HDGFL3: variants seen among roughly 807,000 people sequenced by gnomAD.
HDGFL3 encodes HDGF like 3, also known as hepatoma-derived growth factor-related protein 3.
HDGFL3 carries 6 observed loss-of-function variants against 27.6 expected under a neutral mutation model. The observed-to-expected ratio is 0.22, with a 90% CI of 0.12 to 0.43. The LOEUF (loss-of-function observed/expected upper bound fraction) is 0.43. Ranked by LOEUF, HDGFL3 falls within the 20% of genes least tolerant of loss-of-function variation. The pLI is 1.00. For synonymous variants in HDGFL3, 88 were observed against 88.9 expected, an observed-to-expected ratio of 0.99 and a Z score of 0.05; for missense variants, 207 against 250.1, an observed-to-expected ratio of 0.83 and a Z score of 1.16.
At chr15:83,140,966 A>G (rs1363270930) in intron 5 of HDGFL3, among the ~76,000 whole-genome samples, 1 of 152,200 alleles carries the variant, frequency 6.6e-6, no homozygotes, top group Non-Finnish European at 1.5e-5. Flanking sequence ...GGGAGCACCA[A>G]GAATGTGACT....
chr15:83,169,198 T>C (rs750582651), intron 1 of HDGFL3: 39 of 441,864 alleles, frequency 8.8e-5, no homozygotes, highest in African/African-American at 6.1e-5. Context: ...CCCTCGAGAA[T>C]TGAAACAAGA....
At chr15:83,175,892 A>C (rs1414954335) in intron 1 of HDGFL3, among the ~76,000 whole-genome samples, 2 of 152,152 alleles carry the variant, frequency 1.3e-5, no homozygotes, top group African/African-American at 2.4e-5. Context: ...CACACATTAA[A>C]ACATTCATGG....
intron 1 of HDGFL3, among the ~76,000 whole-genome samples, chr15:83,174,950 G>A (rs1408365509): frequency 1.3e-5 from 2 of 152,130 alleles, no homozygotes; most frequent in Non-Finnish European, 2.9e-5. Flanking sequence ...TTAAACATTT[G>A]AATTAGTTAC....
rs962291656 is a variant in HDGFL3 at position 83,129,168 on chromosome 15, T to A, written c.*10102A>T. ...TTTACTCCAGTGATTCTCCAACCCATTTTTTTTTTCCAGCTCCGCTGCCCC... is the reference window on the plus strand; with the variant it reads ...TTTACTCCAGTGATTCTCCAACCCAATTTTTTTTTCCAGCTCCGCTGCCCC... On this transcript the variant is annotated 3_prime_UTR_variant, in exon 6 of 6. Coordinates refer to ENST00000299633, the MANE Select transcript of HDGFL3 (RefSeq NM_016073.4). The A allele has an allele frequency of 6.7e-5, 10 of 149,522 alleles. No individual in the cohort carries two copies. The highest frequency in any genetic ancestry group is 2.5e-4 in the African/African-American group (10 of 40,644). 9.3% of individuals were successfully genotyped at this position (149,522 alleles called of 1,614,324 possible).
downstream of HDGFL3, among the ~76,000 whole-genome samples, chr15:83,125,534 G>A (rs576940569): frequency 1.3e-5 from 2 of 152,218 alleles, no homozygotes; most frequent in East Asian, 1.9e-4. Context: ...TCAAACACTT[G>A]GTAGAGGCTC....
At chr15:83,175,224 T>C (rs1326502586) in intron 1 of HDGFL3, among the ~76,000 whole-genome samples, 2 of 152,212 alleles carry the variant, frequency 1.3e-5, no homozygotes, top group South Asian at 2.1e-4. Context: ...TTTGAGTTTG[T>C]ACCCCCTGGA....
At chr15:83,122,459 C>A (rs553902066) in intron 3 of HDGFL3, among the ~76,000 whole-genome samples, 1 of 152,094 alleles carries the variant, frequency 6.6e-6, no homozygotes, top group Admixed American at 6.5e-5. Context: ...ATATAGATAC[C>A]TATCTAGATG....
rs1199332530 is a variant in HDGFL3 at position 83,127,760 on chromosome 15, T to C, written c.*11510A>G. Reference sequence around the variant, plus strand: ...AAGGTTACACACCCAGCATGTGGCATTGTTGTTTTATTGGACTGTTTCACA... The same window carrying C: ...AAGGTTACACACCCAGCATGTGGCACTGTTGTTTTATTGGACTGTTTCACA... On this transcript the variant is annotated 3_prime_UTR_variant, in exon 6 of 6. Coordinates refer to ENST00000299633, the MANE Select transcript of HDGFL3 (RefSeq NM_016073.4). 1.2e-5 allele frequency: 4 copies of C among 335,476 alleles called. No individual in the cohort carries two copies. The highest frequency in any genetic ancestry group is 5.7e-5 in the South Asian group (2 of 34,860). The allele number at this position is 335,476 out of a possible 1,614,324, so 20.8% of individuals were successfully genotyped here. A position where few individuals can be genotyped will look rare whatever the true frequency, so the allele number is the denominator to read the frequency against.
chr15:83,157,979 G>A lies in HDGFL3; in HGVS notation c.224C>T (p.Ser75Leu). ...TTCGTTAAATCCTTTCCGTTTGTTT[G>A]ACTTTCCAAACTTGTCTTTGTACTC... is the stretch of plus-strand genomic sequence containing the variant. ...YKEYKDKFGK[S>L]NKRKGFNEGL... The change falls in exon 3 of 6, where the codon TCA (serine) becomes TTA (leucine). Residue 75 changes from serine (S) to leucine (L), a missense_variant. By Grantham distance (145) the Ser-to-Leu change is moderately radical. Coordinates refer to ENST00000299633, the MANE Select transcript of HDGFL3 (RefSeq NM_016073.4). 1 of 1,612,218 alleles carries A rather than the reference G, an allele frequency of 6.2e-7. No individual in the cohort carries two copies. Among genetic ancestry groups the A allele is most frequent in the Non-Finnish European group, 8.5e-7 (1 of 1,178,662 alleles).
At chr15:83,123,724 A>G (rs564821288), downstream of HDGFL3, among the ~76,000 whole-genome samples, 2 of 152,360 alleles carry the variant, frequency 1.3e-5, no homozygotes, top group Admixed American at 6.5e-5. Flanking sequence ...TGTTAAAAAG[A>G]AAAAGCAAAT....
At chr15:83,126,675 C>T (rs989481917), downstream of HDGFL3, 3 of 1,123,324 alleles carry the variant, frequency 2.7e-6, no homozygotes, top group African/African-American at 4.7e-5. Flanking sequence ...TGTGACTAAA[C>T]CTGGCACATT....
rs1193394938 is a variant in HDGFL3, at chr15:83,136,677, A to G, written c.*2593T>C. On this transcript the variant is annotated 3_prime_UTR_variant, in exon 6 of 6. Coordinates refer to ENST00000299633, the MANE Select transcript of HDGFL3 (RefSeq NM_016073.4). ...GCAGAAGAAAAAGTGGAATAAAAATATTACTTCATGTTCCTCCTTTCTAAA... is the reference window on the plus strand; with the variant it reads ...GCAGAAGAAAAAGTGGAATAAAAATGTTACTTCATGTTCCTCCTTTCTAAA... 6.3e-7 allele frequency: 1 copy of G among 1,589,468 alleles called. No homozygotes were observed. The highest frequency in any genetic ancestry group is 8.5e-7 in the Non-Finnish European group (1 of 1,172,020).
intron 1 of HDGFL3, among the ~76,000 whole-genome samples, chr15:83,171,937 CTTT>C (rs2037251599): frequency 1.3e-5 from 2 of 152,144 alleles, no homozygotes; most frequent in Non-Finnish European, 2.9e-5. Flanking sequence ...GTGGTTTCCT[CTTT>C]TTATCTCCCC....
At chr15:83,187,580 C>A (rs2037460152) in intron 1 of HDGFL3, among the ~76,000 whole-genome samples, 1 of 152,114 alleles carries the variant, frequency 6.6e-6, no homozygotes, top group East Asian at 1.9e-4. Flanking sequence ...GTTTTCAGTG[C>A]TTTTCTCCTT....
chr15:83,182,009 T>C (rs1445390161), intron 1 of HDGFL3, among the ~76,000 whole-genome samples: 1 of 152,260 alleles, frequency 6.6e-6, no homozygotes, highest in Non-Finnish European at 1.5e-5. Flanking sequence ...TATTTGGTAA[T>C]GTGATAAATG....
At chr15:83,187,864 G>C (rs1490635494) in intron 1 of HDGFL3, among the ~76,000 whole-genome samples, 1 of 140,458 alleles carries the variant, frequency 7.1e-6, no homozygotes, top group Non-Finnish European at 1.5e-5. Context: ...TCTGGCCTGG[G>C]CAACAAGAGC....
Position 83,181,033 on chromosome 15 carries a change from C to G in HDGFL3, c.85-16958G>C, listed in dbSNP as rs1307817541. The G allele has an allele frequency of 2.6e-5, 4 of 152,096 alleles. No individual in the cohort carries two copies. In the East Asian group the frequency reaches 7.7e-4, roughly 29 times the overall value. The allele number at this position is 152,096 out of a possible 1,614,324, so 9.4% of individuals were successfully genotyped here. A position where few individuals can be genotyped will look rare whatever the true frequency, so the allele number is the denominator to read the frequency against. On this transcript the variant is annotated intron_variant, in intron 1 of 5. Transcript: ENST00000299633. ...TAGTTTGAAAAAATGTATGAAATATCAGGCTGAGTTATCTTCAAATATATA... is the reference window on the plus strand; with the variant it reads ...TAGTTTGAAAAAATGTATGAAATATGAGGCTGAGTTATCTTCAAATATATA...
chr15:83,188,656 C>T (rs1283486562), intron 1 of HDGFL3, among the ~76,000 whole-genome samples: 1 of 152,170 alleles, frequency 6.6e-6, no homozygotes, highest in Non-Finnish European at 1.5e-5. Context: ...GCCATAGTCT[C>T]GTAATATACT....
At chr15:83,177,688 T>C (rs1038851122) in intron 1 of HDGFL3, among the ~76,000 whole-genome samples, 1 of 151,848 alleles carries the variant, frequency 6.6e-6, no homozygotes, top group African/African-American at 2.4e-5. Flanking sequence ...GGTCACTGAG[T>C]GTGTGTGTGT....
Sources: allele counts gnomAD v4.1 joint callset (sites outside exome capture counted in the v4.1 genomes callset), GRCh38; gene constraint gnomAD v4.1.1; transcripts MANE v1.5; gene names NCBI Gene and HGNC (gene_info 2026-07-23, HGNC 2026-07-21).